Variants in RBFOX1 observed in about 807,000 individuals in gnomAD.
RBFOX1 encodes RNA binding protein fox-1 homolog 1.
Under a neutral mutation model 57.7 loss-of-function variants are expected in RBFOX1, and 8 were observed. That is an observed-to-expected ratio of 0.14 (90% CI 0.08 to 0.25). The LOEUF is 0.25. RBFOX1 is among the 10% of genes least tolerant of loss of function. The pLI is 1.00. For synonymous variants in RBFOX1, 326 were observed against 222.4 expected (o/e 1.47, Z -4.15); for missense variants, 611 against 548.5 (o/e 1.11, Z -1.14).
chr16:7,409,153 G>T (rs562240292), intron 4 of RBFOX1, among the ~76,000 whole-genome samples: 22 of 152,302 alleles, frequency 1.4e-4, no homozygotes, highest in African/African-American at 5.3e-4. Flanking sequence ...ATCAGGTTCC[G>T]GGAGCTGGAG....
At chr16:7,392,564 T>A (rs2098052318) in intron 4 of RBFOX1, among the ~76,000 whole-genome samples, 1 of 152,180 alleles carries the variant, frequency 6.6e-6, no homozygotes, top group Admixed American at 6.5e-5. Flanking sequence ...TCATATTTAT[T>A]TACCTCCTGT....
intron 3 of RBFOX1, among the ~76,000 whole-genome samples, chr16:6,802,799 T>A (rs968436411): frequency 6.6e-6 from 1 of 152,238 alleles, no homozygotes. Context: ...TGAAGTAGGC[T>A]GACCCAAAAT....
chr16:7,549,913 T>C (rs1829501956), intron 5 of RBFOX1, among the ~76,000 whole-genome samples: 1 of 151,998 alleles, frequency 6.6e-6, no homozygotes, highest in African/African-American at 2.4e-5. Flanking sequence ...ACCATCATCA[T>C]ATCCTTCTCT....
At chr16:6,775,464 G>GAA (rs139829829) in intron 3 of RBFOX1, among the ~76,000 whole-genome samples, 211 of 148,936 alleles carry the variant, frequency 1.4e-3, no homozygotes, top group African/African-American at 4.7e-3. Flanking sequence ...ATCCCAAAAA[G>GAA]AAAAAAAAAT....
At chr16:6,009,114 T>C (rs1234048075) in intron 4 of RBFOX1, among the ~76,000 whole-genome samples, 1 of 151,854 alleles carries the variant, frequency 6.6e-6, no homozygotes, top group Non-Finnish European at 1.5e-5. Flanking sequence ...TTTTTTTTTT[T>C]CTTCTCCATC....
intron 2 of RBFOX1, among the ~76,000 whole-genome samples, chr16:6,395,945 A>G (rs530887938): frequency 3.6e-4 from 54 of 151,380 alleles, no homozygotes; most frequent in African/African-American, 1.3e-3. Flanking sequence ...GTGCACCTGT[A>G]GTCCCAGCTA....
chr16:6,396,146 C>T (rs573837992), intron 2 of RBFOX1, among the ~76,000 whole-genome samples: 1 of 150,742 alleles, frequency 6.6e-6, no homozygotes, highest in African/African-American at 2.4e-5. Context: ...TGGAGTAATC[C>T]TATCATAGAT....
At chr16:6,790,573 T>G (rs927795095) in intron 3 of RBFOX1, among the ~76,000 whole-genome samples, 1 of 152,160 alleles carries the variant, frequency 6.6e-6, no homozygotes, top group Non-Finnish European at 1.5e-5. Flanking sequence ...CCCAAACCAT[T>G]GTTTTCCCAA....
chr16:6,754,345 C>G (rs796173913), intron 3 of RBFOX1, among the ~76,000 whole-genome samples: 3 of 152,164 alleles, frequency 2.0e-5, no homozygotes, highest in Non-Finnish European at 4.4e-5. Flanking sequence ...AATTATCTCT[C>G]TGAAAAATTT....
intron 2 of RBFOX1, among the ~76,000 whole-genome samples, chr16:6,411,043 C>A (rs539646329): frequency 6.6e-6 from 1 of 152,294 alleles, no homozygotes; most frequent in Non-Finnish European, 1.5e-5. Flanking sequence ...ACCATGGCTC[C>A]CGCTGCTCAC....
At chr16:6,639,169 C>T (rs927452673) in intron 2 of RBFOX1, among the ~76,000 whole-genome samples, 4 of 152,188 alleles carry the variant, frequency 2.6e-5, no homozygotes, top group African/African-American at 9.7e-5. Context: ...AAATCATGTG[C>T]GCTAGCTCTG....
At chr16:6,138,881 G>A (rs545322741) in intron 1 of RBFOX1, among the ~76,000 whole-genome samples, 4 of 151,962 alleles carry the variant, frequency 2.6e-5, no homozygotes, top group Admixed American at 6.6e-5. Flanking sequence ...AAATAAATAC[G>A]TAAAAGAGCA....
intron 4 of RBFOX1, among the ~76,000 whole-genome samples, chr16:7,115,117 G>T (rs983415200): frequency 6.6e-6 from 1 of 152,086 alleles, no homozygotes; most frequent in Admixed American, 6.5e-5. Context: ...AATATCCTTC[G>T]ATTAAGTTTC....
At chr16:6,132,130 A>T (rs747877873) in intron 1 of RBFOX1, among the ~76,000 whole-genome samples, 4 of 152,224 alleles carry the variant, frequency 2.6e-5, no homozygotes, top group Admixed American at 6.5e-5. Context: ...TTGAGAGAGA[A>T]GAAAATGTCT....
At chr16:6,349,424 AT>A (rs1380753847) in intron 2 of RBFOX1, among the ~76,000 whole-genome samples, 1 of 152,234 alleles carries the variant, frequency 6.6e-6, no homozygotes, top group Non-Finnish European at 1.5e-5. Context: ...CGAGATACGA[AT>A]ATTGTGGTAA....
chr16:6,942,328 C>G (rs1197130590), intron 3 of RBFOX1, among the ~76,000 whole-genome samples: 1 of 152,090 alleles, frequency 6.6e-6, no homozygotes, highest in East Asian at 1.9e-4. Context: ...CCACCACGCT[C>G]AGCTAATTTT....
intron 4 of RBFOX1, among the ~76,000 whole-genome samples, chr16:7,226,549 A>T (rs937691738): frequency 4.6e-5 from 7 of 152,146 alleles, no homozygotes; most frequent in African/African-American, 1.4e-4. Flanking sequence ...AATTCTCTCA[A>T]TGGTGCCTCC....
chr16:6,323,459 C>A (rs1176583427), intron 2 of RBFOX1, among the ~76,000 whole-genome samples: 1 of 152,088 alleles, frequency 6.6e-6, no homozygotes, highest in Non-Finnish European at 1.5e-5. Flanking sequence ...TCCTTAGCAC[C>A]TGTAAAAGTG....
intron 4 of RBFOX1, chr16:5,867,401 T>A (rs891727003): frequency 1.0e-6 from 1 of 978,832 alleles, no homozygotes; most frequent in African/African-American, 1.7e-5. Context: ...TGTGATGGAG[T>A]GTAACGAGCA....
Sources: allele counts gnomAD v4.1 joint callset (sites outside exome capture counted in the v4.1 genomes callset), GRCh38; gene constraint gnomAD v4.1.1; transcripts MANE v1.5; gene names NCBI Gene and HGNC (gene_info 2026-07-23, HGNC 2026-07-21).